Variants in ARHGAP26 observed in about 807,000 individuals in gnomAD.
ARHGAP26 encodes the protein Rho GTPase activating protein 26.
ARHGAP26 carries 38 observed loss-of-function variants against 104.8 expected under a neutral mutation model. That is an observed-to-expected ratio of 0.36 (90% CI 0.28 to 0.48). The LOEUF is 0.48. Among genes scored for constraint, ARHGAP26 ranks in the 20% least tolerant of loss-of-function variants. The pLI, the probability that ARHGAP26 is intolerant of heterozygous loss-of-function variation, is 0.99. For missense variants in ARHGAP26, 704 were observed against 947.9 expected (o/e 0.74, Z 3.38); for synonymous variants, 341 against 340.0 (o/e 1.00, Z -0.03).
At chr5:142,843,402 A>G (rs1279626495) in intron 1 of ARHGAP26, among the ~76,000 whole-genome samples, 1 of 152,328 alleles carries the variant, frequency 6.6e-6, no homozygotes, top group African/African-American at 2.4e-5. Flanking sequence ...CCACATAAAG[A>G]TGATACCTTT....
chr5:142,868,131 A>G (rs1754653223), intron 1 of ARHGAP26: 2 of 152,308 alleles, frequency 1.3e-5, no homozygotes. Context: ...GATCTATAGT[A>G]TAGTACTCAG....
In ARHGAP26 at chr5:143,081,902, C is replaced by T. The variant is rs190740249; in HGVS notation, c.1538+24155C>T. ...GGTGGTGGGTGTAGTCCCAGCTACT[C>T]GGGAGGCTGAGGCAGAAGAATGGCA... On this transcript the variant is annotated intron_variant, in intron 17 of 22. Transcript: ENST00000645722. Among the ~76,000 whole-genome samples, 1,264 of 148,036 alleles carry T rather than the reference C, an allele frequency of 8.5e-3. 28 individuals are homozygous for T. The highest frequency in any genetic ancestry group is 0.078 in the East Asian group (382 of 4,880).
At chr5:143,025,919 A>T (rs903500396) in intron 12 of ARHGAP26, among the ~76,000 whole-genome samples, 3 of 151,780 alleles carry the variant, frequency 2.0e-5, no homozygotes, top group Non-Finnish European at 2.9e-5. Context: ...ACTTTACTCT[A>T]TGTCTCTTTC....
At chr5:143,174,168 C>A (rs1803156110) in intron 20 of ARHGAP26, among the ~76,000 whole-genome samples, 1 of 152,142 alleles carries the variant, frequency 6.6e-6, no homozygotes, top group Non-Finnish European at 1.5e-5. Flanking sequence ...GATTCTGTCC[C>A]ATGCAAAATA....
intron 20 of ARHGAP26, among the ~76,000 whole-genome samples, chr5:143,206,876 G>GC (rs1156707622): frequency 1.3e-5 from 2 of 152,276 alleles, no homozygotes; most frequent in Non-Finnish European, 2.9e-5. Context: ...GCTGGTGATA[G>GC]CACGTGGGTG....
intron 6 of ARHGAP26, among the ~76,000 whole-genome samples, chr5:142,898,898 C>T (rs1759877988): frequency 6.6e-6 from 1 of 152,134 alleles, no homozygotes; most frequent in Non-Finnish European, 1.5e-5. Flanking sequence ...AATTGGGTGT[C>T]TTAGAACAAC....
At chr5:143,073,973 C>G (rs912065140) in intron 17 of ARHGAP26, among the ~76,000 whole-genome samples, 7 of 152,280 alleles carry the variant, frequency 4.6e-5, no homozygotes, top group African/African-American at 1.7e-4. Context: ...TGCTTTTGCT[C>G]CCTGACTTTT....
At chr5:142,793,558 A>ATTC (rs761527513) in intron 1 of ARHGAP26, among the ~76,000 whole-genome samples, 2 of 151,798 alleles carry the variant, frequency 1.3e-5, no homozygotes, top group Non-Finnish European at 2.9e-5. Context: ...AGTTATCACC[A>ATTC]TTCTCTCAGT....
chr5:142,879,401 A>T lies in ARHGAP26; in HGVS notation c.340A>T (p.Thr114Ser), dbSNP rs766345092. 1 of 1,613,644 alleles carries T rather than the reference A, an allele frequency of 6.2e-7. No homozygotes were observed. The change falls in exon 4 of 23, where the codon ACT becomes TCT. Residue 114 changes from threonine to serine, a missense_variant. By Grantham distance (58) the Thr-to-Ser change is moderately conservative. Around this residue, in one of 6 missense-constraint regions of ARHGAP26, gnomAD observed 106 missense variants for 120.5 expected, o/e 0.88. Coordinates refer to ENST00000645722, the MANE Select transcript of ARHGAP26 (RefSeq NM_001135608.3). ...TGAGAATGCCAGCGAGGTGCTCATC[A>T]CTCCCTTGGAGAAGTTTCGAAAGGA... is the stretch of plus-strand genomic sequence containing the variant. ...MIENASEVLI[T>S]PLEKFRKEQI...
At chr5:143,198,405 T>G (rs910990125) in intron 20 of ARHGAP26, among the ~76,000 whole-genome samples, 3 of 152,246 alleles carry the variant, frequency 2.0e-5, no homozygotes, top group African/African-American at 7.2e-5. Flanking sequence ...AGTTCTGTTG[T>G]GCCTGAAATG....
chr5:142,987,867 G>A (rs976864326), intron 11 of ARHGAP26, among the ~76,000 whole-genome samples: 5 of 152,168 alleles, frequency 3.3e-5, no homozygotes, highest in African/African-American at 1.2e-4. Context: ...TGGTAGATAA[G>A]CTTTTTGATG....
intron 1 of ARHGAP26, chr5:142,859,737 GAGGGCCTGAA>G (rs1752990706): frequency 6.6e-6 from 1 of 152,276 alleles, no homozygotes; most frequent in Non-Finnish European, 1.5e-5. Flanking sequence ...GATGTGTGAG[GAGGGCCTGAA>G]AGGAAAGGAA....
At chr5:143,207,359 T>C (rs769398528) in intron 21 of ARHGAP26, 51 bp downstream of exon 21, 29 of 1,614,104 alleles carry the variant, frequency 1.8e-5, no homozygotes, top group Admixed American at 3.3e-5. Context: ...GTTCTCTCAT[T>C]GGCTCGGTCC....
chr5:143,213,850 A>G (rs1260930441), intron 21 of ARHGAP26, 147 bp from the exon 22 acceptor site: 4 of 452,792 alleles, frequency 8.8e-6, no homozygotes, highest in Non-Finnish European at 1.6e-5. Flanking sequence ...TTCCCACCTC[A>G]TGTCTTGCCA....
intron 17 of ARHGAP26, among the ~76,000 whole-genome samples, chr5:143,063,177 C>A (rs898579293): frequency 6.6e-6 from 1 of 152,040 alleles, no homozygotes; most frequent in Non-Finnish European, 1.5e-5. Flanking sequence ...CGGGCTTTTC[C>A]CTCACTGACT....
chr5:142,971,544 C>T (rs1219027417), intron 11 of ARHGAP26, among the ~76,000 whole-genome samples: 1 of 152,124 alleles, frequency 6.6e-6, no homozygotes, highest in African/African-American at 2.4e-5. Flanking sequence ...TATCTTTAAG[C>T]GAAGTCTTCT....
chr5:142,826,152 T>C (rs999520378), intron 1 of ARHGAP26, among the ~76,000 whole-genome samples: 2 of 152,196 alleles, frequency 1.3e-5, no homozygotes, highest in Non-Finnish European at 2.9e-5. Context: ...GAGGGGGATA[T>C]GATATGTGAT....
chr5:142,958,999 T>C (rs1304788237), intron 11 of ARHGAP26, among the ~76,000 whole-genome samples: 1 of 152,018 alleles, frequency 6.6e-6, no homozygotes, highest in Non-Finnish European at 1.5e-5. Flanking sequence ...AATAAGGAAT[T>C]ATTAAACTTA....
At chr5:143,204,653 C>T (rs1399240111) in intron 20 of ARHGAP26, among the ~76,000 whole-genome samples, 3 of 152,018 alleles carry the variant, frequency 2.0e-5, no homozygotes, top group African/African-American at 4.8e-5. Context: ...TAGTTCTGGC[C>T]AAAAACCACT....
Sources: allele counts gnomAD v4.1 joint callset (sites outside exome capture counted in the v4.1 genomes callset), GRCh38; gene constraint gnomAD v4.1.1; regional missense constraint gnomAD v4.1.1; transcripts MANE v1.5; gene names NCBI Gene and HGNC (gene_info 2026-07-23, HGNC 2026-07-21).